ITGA1: variants seen among roughly 807,000 people sequenced by gnomAD.
ITGA1 encodes the protein integrin subunit alpha 1, also known as integrin alpha-1.
ITGA1 carries 85 observed loss-of-function variants against 145.9 expected under a neutral mutation model. The observed-to-expected ratio is 0.58, with a 90% CI of 0.49 to 0.70. The LOEUF is 0.70. Ranked by LOEUF, ITGA1 falls within the 30% of genes least tolerant of loss-of-function variation. The pLI, the probability that ITGA1 is intolerant of heterozygous loss-of-function variation, is 0.00. For synonymous variants in ITGA1, 520 were observed against 495.3 expected (o/e 1.05, Z -0.66); for missense variants, 1,351 against 1,418.7 (o/e 0.95, Z 0.77).
At chr5:52,878,709 C>T (rs1749907267) in intron 6 of ITGA1, among the ~76,000 whole-genome samples, 1 of 152,138 alleles carries the variant, frequency 6.6e-6, no homozygotes, top group Non-Finnish European at 1.5e-5. Context: ...TAGTGTTTGA[C>T]AGCGCTCAAA....
intron 1 of ITGA1, among the ~76,000 whole-genome samples, chr5:52,797,050 G>A (rs1748356192): frequency 6.6e-6 from 1 of 152,032 alleles, no homozygotes; most frequent in South Asian, 2.1e-4. Context: ...GATTGTAGAC[G>A]TTAATTCATA....
intron 9 of ITGA1, among the ~76,000 whole-genome samples, chr5:52,896,150 C>T (rs1750220295): frequency 6.6e-6 from 1 of 152,100 alleles, no homozygotes; most frequent in African/African-American, 2.4e-5. Context: ...ATGAACAGTC[C>T]AGGGAGAAGT....
rs369752958 is a variant in ITGA1, at chr5:52,891,262, C to CTTTTT, written c.925-2405_925-2401dup. 5.2e-5 allele frequency among the ~76,000 whole-genome samples: 7 copies of CTTTTT among 135,772 alleles called. No homozygotes were observed. In the East Asian group the frequency reaches 1.5e-3, roughly 29 times the overall value. The allele number at this position is 135,772 out of a possible 152,430, so 89.1% of individuals were successfully genotyped here. A position where few individuals can be genotyped will look rare whatever the true frequency, so the allele number is the denominator to read the frequency against. On this transcript the variant is annotated intron_variant, in intron 8 of 28. Coordinates refer to ENST00000282588, the MANE Select transcript of ITGA1 (RefSeq NM_181501.2). ...ATATACCCAGCAATGTTTTTTTTTT[C>CTTTTT]TTTTTTTTTTTTCATTTTAAATACA...
intron 1 of ITGA1, among the ~76,000 whole-genome samples, chr5:52,807,663 T>C (rs951760057): frequency 6.6e-6 from 1 of 152,194 alleles, no homozygotes; most frequent in Non-Finnish European, 1.5e-5. Flanking sequence ...TGTCATCTTA[T>C]GAAAAATCAG....
intron 14 of ITGA1, among the ~76,000 whole-genome samples, chr5:52,914,937 G>T (rs1750619873): frequency 6.6e-6 from 1 of 152,130 alleles, no homozygotes; most frequent in Non-Finnish European, 1.5e-5. Context: ...TGAGTCTCTT[G>T]TGCCCTCAAC....
intron 1 of ITGA1, among the ~76,000 whole-genome samples, chr5:52,798,484 G>A (rs1177981724): frequency 1.3e-5 from 2 of 152,124 alleles, no homozygotes; most frequent in African/African-American, 4.8e-5. Flanking sequence ...ATTTTAGGAC[G>A]TTTATTTGCC....
chr5:52,800,697 C>G lies in ITGA1; in HGVS notation c.61+12283C>G, dbSNP rs371706485. On this transcript the variant is annotated intron_variant, in intron 1 of 28. Coordinates refer to ENST00000282588, the MANE Select transcript of ITGA1 (RefSeq NM_181501.2). ...ATGTCAAGATGGGGGCTTACCACACCATCGAGCTGGAGCCCAACCGCCAGT... is the reference window on the plus strand; with the variant it reads ...ATGTCAAGATGGGGGCTTACCACACGATCGAGCTGGAGCCCAACCGCCAGT... 1.9e-6 allele frequency: 3 copies of G among 1,614,068 alleles called. No homozygotes were observed. In the Admixed American group the frequency reaches 5.0e-5, roughly 27 times the overall value.
chr5:52,864,730 T>C (rs1749656427), intron 3 of ITGA1, 33 bp from the exon 4 acceptor site: 1 of 1,366,216 alleles, frequency 7.3e-7, no homozygotes, highest in Admixed American at 1.8e-5. Context: ...TGTGAAACTT[T>C]TCCTCCCTCA....
In ITGA1 at chr5:52,922,779, C is replaced by G; in HGVS notation, c.2295C>G (p.Asp765Glu). The part of the protein sequence containing the change: ...ECTKHSFYML[D>E]KHDFQDSVRI... ...ATATTTTATGTTTCACCCTCTAGGA[C>G]AAGCATGACTTTCAGGACTCTGTGA... Residue 765 changes from aspartate (D) to glutamate (E), a missense_variant and splice_region_variant, in exon 18 of 29, where the codon GAC becomes GAG. Coordinates refer to ENST00000282588, the MANE Select transcript of ITGA1 (RefSeq NM_181501.2). The G allele has an allele frequency of 1.3e-6, 2 of 1,597,968 alleles. No homozygotes were observed. Among genetic ancestry groups the G allele is most frequent in the Non-Finnish European group, 1.7e-6 (2 of 1,165,748 alleles).
At position 52,954,073 on chromosome 5, in the gene ITGA1, C is replaced by T. The variant is rs1240005296; in HGVS notation, c.*1622C>T. The T allele has an allele frequency of 6.6e-6, 1 of 152,188 alleles. No homozygotes were observed. Among genetic ancestry groups the T allele is most frequent in the Non-Finnish European group, 1.5e-5 (1 of 68,044 alleles). 9.4% of individuals were successfully genotyped at this position (152,188 alleles called of 1,614,324 possible). ...GGAATGCGCCTGTGGGATGCCAAAGCCATCAGTAGCTGGAAGAAAGAATAC... is the reference window on the plus strand; with the variant it reads ...GGAATGCGCCTGTGGGATGCCAAAGTCATCAGTAGCTGGAAGAAAGAATAC... On this transcript the variant is annotated 3_prime_UTR_variant, in exon 29 of 29. Transcript: ENST00000282588.
intron 2 of ITGA1, among the ~76,000 whole-genome samples, chr5:52,855,962 T>C (rs1749506306): frequency 6.6e-6 from 1 of 152,210 alleles, no homozygotes; most frequent in Admixed American, 6.5e-5. Context: ...TCCTACACTC[T>C]ACCACTTTCT....
chr5:52,838,050 A>G (rs1182619133), intron 1 of ITGA1, among the ~76,000 whole-genome samples: 1 of 152,220 alleles, frequency 6.6e-6, no homozygotes, highest in Non-Finnish European at 1.5e-5. Context: ...TTTTCAGGTG[A>G]ATAACAAGTT....
At chr5:52,789,734 T>C (rs953394271) in intron 1 of ITGA1, among the ~76,000 whole-genome samples, 1 of 152,230 alleles carries the variant, frequency 6.6e-6, no homozygotes, top group African/African-American at 2.4e-5. Context: ...TTTTTTTAGA[T>C]TGTATTTTGT....
In ITGA1 at chr5:52,955,979, A is replaced by C. The variant is rs1428691865; in HGVS notation, c.*3528A>C. 6.6e-6 allele frequency: 1 copy of C among 152,036 alleles called. No homozygotes were observed. Among genetic ancestry groups the C allele is most frequent in the African/African-American group, 2.4e-5 (1 of 41,394 alleles). The allele number at this position is 152,036 out of a possible 1,614,324, so 9.4% of individuals were successfully genotyped here. Reference sequence around the variant, plus strand: ...TATATACACATACACTCACATGCAGATATTTACATATATAGATATTCTCTT... The same window carrying C: ...TATATACACATACACTCACATGCAGCTATTTACATATATAGATATTCTCTT... On this transcript the variant is annotated 3_prime_UTR_variant, in exon 29 of 29. Coordinates refer to ENST00000282588, the MANE Select transcript of ITGA1 (RefSeq NM_181501.2).
intron 1 of ITGA1, among the ~76,000 whole-genome samples, chr5:52,810,013 C>T (rs1748660988): frequency 6.8e-6 from 1 of 147,116 alleles, no homozygotes; most frequent in South Asian, 2.2e-4. Context: ...ATTGTGGAAC[C>T]TTTGTATAAT....
intron 26 of ITGA1, among the ~76,000 whole-genome samples, chr5:52,942,699 T>TA (rs1751072928): frequency 1.5e-5 from 1 of 68,316 alleles, no homozygotes. Context: ...CCCGGCTAAT[T>TA]TTTTTTTTTT....
intron 24 of ITGA1, 33 bp from the exon 25 acceptor site, chr5:52,939,557 A>G (rs765037898): frequency 5.0e-6 from 7 of 1,398,784 alleles, no homozygotes; most frequent in Non-Finnish European, 7.1e-6. Context: ...GATATCTGGC[A>G]TTGTCTGATA....
intron 1 of ITGA1, among the ~76,000 whole-genome samples, chr5:52,808,906 A>G (rs1392725005): frequency 6.6e-6 from 1 of 151,996 alleles, no homozygotes; most frequent in East Asian, 1.9e-4. Context: ...CCTGTTTGAT[A>G]TATCTGATTC....
At chr5:52,820,052 T>A (rs1561217914) in intron 1 of ITGA1, among the ~76,000 whole-genome samples, 12 of 151,722 alleles carry the variant, frequency 7.9e-5, no homozygotes. Flanking sequence ...ACTGTAGCCT[T>A]GTAGTATAAT....
Sources: gnomAD v4.1 joint callset for allele counts (sites outside exome capture counted in the v4.1 genomes callset) on GRCh38, gnomAD v4.1.1 for gene constraint, MANE v1.5 for transcripts, NCBI Gene and HGNC (gene_info 2026-07-23, HGNC 2026-07-21) for gene names.